Variants in TNKS observed in about 807,000 individuals in gnomAD.
The protein encoded by TNKS is poly [ADP-ribose] polymerase tankyrase-1.
Under a neutral mutation model 135.8 loss-of-function variants are expected in TNKS, and 72 were observed. The ratio of observed to expected loss-of-function variants is 0.53; its 90% CI spans 0.44 to 0.64. The LOEUF (loss-of-function observed/expected upper bound fraction) is 0.64. TNKS is among the 30% of genes least tolerant of loss of function. TNKS has a pLI of 0.00. For synonymous variants in TNKS, 849 were observed against 649.3 expected (o/e 1.31, Z -4.68); for missense variants, 1,769 against 1,674.0 (o/e 1.06, Z -0.99).
intron 26 of TNKS, among the ~76,000 whole-genome samples, chr8:9,772,014 G>A (rs1403132416): frequency 8.4e-6 from 1 of 118,904 alleles, no homozygotes; most frequent in Non-Finnish European, 1.8e-5. Flanking sequence ...AGAGGGATGG[G>A]GGAGGGAGAA....
At chr8:9,585,740 C>G (rs561225447) in intron 2 of TNKS, among the ~76,000 whole-genome samples, 16 of 152,208 alleles carry the variant, frequency 1.1e-4, no homozygotes, top group Non-Finnish European at 2.2e-4. Context: ...CTTTCTTTCT[C>G]TATACTTTCA....
chr8:9,585,721 C>G (rs1008827231), intron 2 of TNKS, among the ~76,000 whole-genome samples: 1 of 152,152 alleles, frequency 6.6e-6, no homozygotes, highest in Non-Finnish European at 1.5e-5. Flanking sequence ...AGAAACAAAG[C>G]TCCTGCAACT....
At chr8:9,675,599 T>A (rs1802499000) in intron 3 of TNKS, among the ~76,000 whole-genome samples, 1 of 152,224 alleles carries the variant, frequency 6.6e-6, no homozygotes, top group Non-Finnish European at 1.5e-5. Context: ...TGCTTTAAAG[T>A]AGTTTTGATG....
At chr8:9,653,495 C>T (rs1312995048) in intron 3 of TNKS, among the ~76,000 whole-genome samples, 2 of 151,874 alleles carry the variant, frequency 1.3e-5, no homozygotes, top group African/African-American at 2.4e-5. Context: ...GGGCCTCGTA[C>T]TGGGTCTTAA....
rs374172220 is a variant in TNKS at position 9,681,439 on chromosome 8, G to T, written c.1107+639G>T. 2.0e-5 allele frequency among the ~76,000 whole-genome samples: 3 copies of T among 152,082 alleles called. No individual in the cohort carries two copies. In the East Asian group the frequency reaches 5.8e-4, roughly 29 times the overall value. On this transcript the variant is annotated intron_variant, in intron 5 of 26. Coordinates refer to ENST00000310430, the MANE Select transcript of TNKS (RefSeq NM_003747.3). ...TTATCTACTTTGTATTCTTGCTGAA[G>T]ATAGACTGAAATGTAATCCTTTATG... is the stretch of plus-strand genomic sequence containing the variant.
intron 2 of TNKS, among the ~76,000 whole-genome samples, chr8:9,585,959 G>C (rs1002362809): frequency 2.0e-5 from 3 of 152,070 alleles, no homozygotes; most frequent in African/African-American, 7.2e-5. Flanking sequence ...ACTTCTTTCA[G>C]CATTAAAATG....
chr8:9,687,157 C>A (rs934739465), intron 5 of TNKS, among the ~76,000 whole-genome samples: 2 of 152,106 alleles, frequency 1.3e-5, no homozygotes, highest in Non-Finnish European at 2.9e-5. Context: ...TTATCACCCT[C>A]CATTCTTGCC....
intron 18 of TNKS, among the ~76,000 whole-genome samples, chr8:9,750,307 A>C (rs1302286493): frequency 2.0e-5 from 3 of 152,080 alleles, no homozygotes; most frequent in Non-Finnish European, 4.4e-5. Flanking sequence ...AATGGTGAAT[A>C]ATTTTGTTTT....
chr8:9,766,369 T>A lies in TNKS; in HGVS notation c.3684T>A (p.Ile1228=), dbSNP rs377301270. Residue 1228 remains isoleucine, a synonymous_variant, in exon 25 of 27, where the codon ATT becomes ATA. Coordinates refer to ENST00000310430, the MANE Select transcript of TNKS (RefSeq NM_003747.3). ...AAAGCAACCAATATGTTTATGGAAT[T>A]GGAGGAGGAACAGGCTGCCCTACAC... is the stretch of plus-strand genomic sequence containing the variant. ...SSKSNQYVYG[I]GGGTGCPTHK... is the part of the protein sequence containing the mutation. The A allele has an allele frequency of 5.6e-6, 9 of 1,613,852 alleles. No homozygotes were observed. Among genetic ancestry groups the A allele is most frequent in the Non-Finnish European group, 7.6e-6 (9 of 1,179,870 alleles).
chr8:9,733,292 C>G lies in TNKS; in HGVS notation c.2161C>G (p.Leu721Val). The change falls in exon 15 of 27, where the codon CTT (leucine) becomes GTT (valine). Residue 721 changes from leucine (L) to valine (V), a missense_variant. Around this residue, in one of 5 missense-constraint regions of TNKS, gnomAD observed 69 missense variants for 120.3 expected, o/e 0.57. Transcript: ENST00000310430. ...HAKDKGGLVPLHNACSYGHYE... is the reference protein window; with the variant it reads ...HAKDKGGLVPVHNACSYGHYE... Reference sequence around the variant, plus strand: ...TCTTTTGTTTAGTGGCTTGGTGCCCCTTCATAATGCCTGTTCATATGGACA... The same window carrying G: ...TCTTTTGTTTAGTGGCTTGGTGCCCGTTCATAATGCCTGTTCATATGGACA... 1 of 1,563,366 alleles carries G rather than the reference C, an allele frequency of 6.4e-7. No individual in the cohort carries two copies. Among genetic ancestry groups the G allele is most frequent in the Non-Finnish European group, 8.6e-7 (1 of 1,162,232 alleles).
At chr8:9,701,661 A>G (rs1443680679) in intron 5 of TNKS, among the ~76,000 whole-genome samples, 1 of 152,226 alleles carries the variant, frequency 6.6e-6, no homozygotes, top group African/African-American at 2.4e-5. Context: ...GTACATGGTA[A>G]TTATCCCTGA....
At chr8:9,556,718 A>C (rs34848926) in intron 1 of TNKS, 106 bp downstream of exon 1, 389 of 1,307,570 alleles carry the variant, frequency 3.0e-4, no homozygotes, top group Middle Eastern at 1.1e-3. Context: ...GGGCGTGGTT[A>C]TGGTTCTTCA....
At chr8:9,699,675 C>T (rs890453133) in intron 5 of TNKS, among the ~76,000 whole-genome samples, 2 of 152,192 alleles carry the variant, frequency 1.3e-5, no homozygotes, top group Non-Finnish European at 2.9e-5. Context: ...TCAGCTACTC[C>T]TACTTAGATG....
At chr8:9,703,726 C>A (rs1041636243) in intron 5 of TNKS, among the ~76,000 whole-genome samples, 5 of 152,094 alleles carry the variant, frequency 3.3e-5, no homozygotes, top group Non-Finnish European at 7.4e-5. Flanking sequence ...CTTATTAAAT[C>A]TCAAGACCCC....
chr8:9,776,565 C>T, intron 26 of TNKS, 85 bp from the exon 27 acceptor site: 1 of 1,276,164 alleles, frequency 7.8e-7, no homozygotes, highest in Admixed American at 1.8e-5. Context: ...TCACGATTAA[C>T]AGCCTTTGAG....
intron 5 of TNKS, among the ~76,000 whole-genome samples, chr8:9,697,741 T>A (rs1377070658): frequency 6.6e-6 from 1 of 152,138 alleles, no homozygotes; most frequent in South Asian, 2.1e-4. Context: ...TGAGATACTG[T>A]CTCACACCAC....
chr8:9,557,024 A>G (rs1480011477), intron 1 of TNKS: 13 of 268,862 alleles, frequency 4.8e-5, no homozygotes, highest in Non-Finnish European at 8.5e-5. Flanking sequence ...AAGAGGTTTA[A>G]TACAACCCAA....
intron 3 of TNKS, among the ~76,000 whole-genome samples, chr8:9,650,585 A>G (rs970892964): frequency 4.6e-5 from 7 of 151,962 alleles, no homozygotes; most frequent in Admixed American, 3.3e-4. Context: ...GCATTTTTTC[A>G]TATGTTTGTT....
intron 1 of TNKS, among the ~76,000 whole-genome samples, chr8:9,559,631 G>A (rs909726066): frequency 1.3e-5 from 2 of 152,042 alleles, no homozygotes; most frequent in African/African-American, 4.8e-5. Context: ...AAGCCCCAGT[G>A]TGTATTCTTC....
Sources: gnomAD v4.1 joint callset for allele counts (sites outside exome capture counted in the v4.1 genomes callset) on GRCh38, gnomAD v4.1.1 for gene constraint, gnomAD v4.1.1 regional missense constraint, MANE v1.5 for transcripts, NCBI Gene and HGNC (gene_info 2026-07-23, HGNC 2026-07-21) for gene names.